The following ANKRD62 variants were observed in gnomAD, a reference collection of about 807,000 sequenced individuals.
ANKRD62 encodes ankyrin repeat domain-containing protein 62.
A neutral mutation model predicts 98.8 loss-of-function variants in ANKRD62; 61 were observed. The ratio of observed to expected loss-of-function variants is 0.62; its 90% CI spans 0.50 to 0.76. The LOEUF (loss-of-function observed/expected upper bound fraction) is 0.76, where lower values mean the gene tolerates loss of function less well. ANKRD62 is among the 30% of genes least tolerant of loss of function. The pLI, the probability that ANKRD62 is intolerant of heterozygous loss-of-function variation, is 0.00. For missense variants in ANKRD62, 933 were observed against 1,082.9 expected (o/e 0.86, Z 1.94); for synonymous variants, 341 against 367.9 (o/e 0.93, Z 0.84).
chr18:12,169,211 G>A, the ANKRD62 span, among the ~76,000 whole-genome samples: 3 of 150,980 alleles, frequency 2.0e-5, no homozygotes, highest in Non-Finnish European at 3.0e-5. Flanking sequence ...TGTCTTGTGC[G>A]TTTTCAAAGG....
At chr18:12,137,869 T>C in the ANKRD62 span, among the ~76,000 whole-genome samples, 3 of 152,242 alleles carry the variant, frequency 2.0e-5, no homozygotes, top group Non-Finnish European at 4.4e-5. Flanking sequence ...GTAGTTTGTA[T>C]TTCTGTGGGA....
chr18:12,112,701 A>C lies in ANKRD62; in HGVS notation c.1065-2387A>C, dbSNP rs377424945. Among the ~76,000 whole-genome samples, 339 of 152,346 alleles carry C rather than the reference A, an allele frequency of 2.2e-3. 1 individual carries two copies. The highest frequency in any genetic ancestry group is 7.6e-3 in the African/African-American group (316 of 41,586). On this transcript the variant is annotated intron_variant, in intron 8 of 13. Transcript: ENST00000587848. ...GCCAAAGCAATTGCAACAAAAGCAAAAATTGACAAATGGAATCTAATTAAA... is the reference window on the plus strand; with the variant it reads ...GCCAAAGCAATTGCAACAAAAGCAACAATTGACAAATGGAATCTAATTAAA...
the ANKRD62 span, among the ~76,000 whole-genome samples, chr18:12,140,727 C>T: frequency 6.6e-6 from 1 of 152,138 alleles, no homozygotes; most frequent in African/African-American, 2.4e-5. Context: ...CAGAGGAGTA[C>T]CCGGCCGTGT....
intron 8 of ANKRD62, among the ~76,000 whole-genome samples, chr18:12,109,791 G>C (rs79906366): frequency 0.067 from 10,159 of 152,104 alleles, 854 homozygotes; most frequent in East Asian, 0.47. Context: ...AACAATTTTA[G>C]GCTTTATGGA....
chr18:12,173,512 T>A, the ANKRD62 span, among the ~76,000 whole-genome samples: 1 of 152,250 alleles, frequency 6.6e-6, no homozygotes, highest in African/African-American at 2.4e-5. Flanking sequence ...AGTATTAATA[T>A]GTGTGAATTT....
At position 12,115,112 on chromosome 18, in the gene ANKRD62, A is replaced by C; in HGVS notation, c.1089A>C (p.Glu363Asp). The C allele has an allele frequency of 7.1e-7, 1 of 1,400,708 alleles. No homozygotes were observed. Among genetic ancestry groups the C allele is most frequent in the Non-Finnish European group, 9.2e-7 (1 of 1,084,276 alleles). 86.8% of individuals were successfully genotyped at this position (1,400,708 alleles called of 1,614,324 possible). ...FDRLARKTSN[E>D]KSKVKSQIYF... ...GGCTTGCAAGGAAAACCTCTAATGA[A>C]AAGAGCAAGGTATTATAAAAGTAAA... Residue 363 changes from glutamate to aspartate, a missense_variant, in exon 9 of 14, where the codon GAA becomes GAC. Physicochemically the swap from Glu to Asp is conservative, Grantham distance 45 (BLOSUM62 2). Coordinates refer to ENST00000587848, the MANE Select transcript of ANKRD62 (RefSeq NM_001277333.2).
chr18:12,119,069 T>C (rs2143924297), intron 10 of ANKRD62, among the ~76,000 whole-genome samples: 1 of 152,306 alleles, frequency 6.6e-6, no homozygotes. Flanking sequence ...ATTTTTTATA[T>C]TTAGGGCAAT....
the ANKRD62 span, among the ~76,000 whole-genome samples, chr18:12,170,388 T>C: frequency 0.018 from 2,722 of 152,274 alleles, 73 homozygotes; most frequent in African/African-American, 0.062. Context: ...TCGTTATGTA[T>C]CCAGTAGTCA....
the ANKRD62 span, among the ~76,000 whole-genome samples, chr18:12,153,590 T>TG: frequency 5.9e-4 from 37 of 62,944 alleles, no homozygotes; most frequent in Non-Finnish European, 3.2e-4. Flanking sequence ...AGACTCTGCC[T>TG]GGGAAAAAAA....
chr18:12,103,905 A>G (rs1909361246), intron 7 of ANKRD62, among the ~76,000 whole-genome samples: 1 of 152,154 alleles, frequency 6.6e-6, no homozygotes. Context: ...TATAGTTTAT[A>G]TAGCTATATA....
chr18:12,156,143 C>T, the ANKRD62 span, among the ~76,000 whole-genome samples: 1 of 151,826 alleles, frequency 6.6e-6, no homozygotes, highest in Non-Finnish European at 1.5e-5. Flanking sequence ...CACCCGCCTG[C>T]TCCCCCTTTG....
At chr18:12,174,302 G>C in the ANKRD62 span, among the ~76,000 whole-genome samples, 9 of 152,044 alleles carry the variant, frequency 5.9e-5, no homozygotes, top group Non-Finnish European at 1.3e-4. Context: ...ATTAATACTT[G>C]GGATTGCGTT....
chr18:12,107,521 GA>G lies in ANKRD62; in HGVS notation c.1064+56del, dbSNP rs1185970666. 7 of 1,272,102 alleles carry G rather than the reference GA, an allele frequency of 5.5e-6. No individual in the cohort carries two copies. In the African/African-American group the frequency reaches 9.2e-5, roughly 17 times the overall value. The allele number at this position is 1,272,102 out of a possible 1,614,324, so 78.8% of individuals were successfully genotyped here. ...ATCACTGTTAATTGTACTATAAAAT[GA>G]ATTCTAATTTGGGTTAATATGTACG... On this transcript the variant is annotated intron_variant, in intron 8 of 13. Transcript: ENST00000587848.
At chr18:12,122,032 C>CT (rs1909792959) in intron 10 of ANKRD62, among the ~76,000 whole-genome samples, 2 of 152,182 alleles carry the variant, frequency 1.3e-5, no homozygotes, top group African/African-American at 4.8e-5. Context: ...TCTTACGTGA[C>CT]TAAAACAGCT....
At chr18:12,173,787 C>A in the ANKRD62 span, among the ~76,000 whole-genome samples, 4 of 152,290 alleles carry the variant, frequency 2.6e-5, no homozygotes, top group Admixed American at 2.0e-4. Context: ...GTTGGAAATT[C>A]TTTTCTTTAA....
Position 12,094,032 on chromosome 18 carries a change from G to T in ANKRD62, c.15G>T (p.Gly5=), listed in dbSNP as rs11664969. The change falls in exon 1 of 14, where the codon GGG becomes GGT. Residue 5 remains glycine, a synonymous_variant. Transcript: ENST00000587848. The part of the protein sequence containing the change: MEVR[G]SFLAACRRRM... ...CTGGCTTCAGGATGGAGGTCAGGGG[G>T]TCGTTCCTGGCGGCCTGCAGGAGAC... 411,752 of 1,534,438 alleles carry T rather than the reference G, an allele frequency of 0.27. 58,130 individuals are homozygous for T. The highest frequency in any genetic ancestry group is 0.54 in the East Asian group (22,132 of 40,614).
At chr18:12,101,192 T>A (rs923171814) in intron 6 of ANKRD62, among the ~76,000 whole-genome samples, 1 of 152,232 alleles carries the variant, frequency 6.6e-6, no homozygotes, top group African/African-American at 2.4e-5. Flanking sequence ...TTCTTTTTTT[T>A]AATTATACAA....
the ANKRD62 span, among the ~76,000 whole-genome samples, chr18:12,156,196 C>G: frequency 6.6e-6 from 1 of 152,068 alleles, no homozygotes; most frequent in Non-Finnish European, 1.5e-5. Context: ...TGACTAGAAG[C>G]AGATGTTGGT....
intron 10 of ANKRD62, among the ~76,000 whole-genome samples, chr18:12,119,551 G>A (rs368509102): frequency 2.0e-5 from 3 of 152,062 alleles, no homozygotes; most frequent in East Asian, 1.9e-4. Context: ...CAGAAGGGGC[G>A]GAGGAGCTCT....
Sources: gnomAD v4.1 joint callset for allele counts (sites outside exome capture counted in the v4.1 genomes callset) on GRCh38, gnomAD v4.1.1 for gene constraint, MANE v1.5 for transcripts, NCBI Gene and HGNC (gene_info 2026-07-23, HGNC 2026-07-21) for gene names.